Variants in TENM2 observed in about 807,000 individuals in gnomAD.
TENM2 encodes the protein teneurin-2.
Under a neutral mutation model 245.2 loss-of-function variants are expected in TENM2, and 52 were observed. That is an observed-to-expected ratio of 0.21 (90% CI 0.17 to 0.27). The LOEUF is 0.27. TENM2 is among the 10% of genes least tolerant of loss of function. TENM2 has a pLI of 1.00. For missense variants in TENM2, 3,046 were observed against 3,666.8 expected (o/e 0.83, Z 4.37); for synonymous variants, 1,363 against 1,438.9 (o/e 0.95, Z 1.19).
At chr5:167,703,116 C>A (rs1001686745) in intron 2 of TENM2, among the ~76,000 whole-genome samples, 13 of 152,180 alleles carry the variant, frequency 8.5e-5, no homozygotes, top group Admixed American at 6.5e-5. Flanking sequence ...ACCTTTTAGT[C>A]TTTCTTCTCA....
rs78710015 is a variant in TENM2, at chr5:167,807,185, A to G, written c.503-68801A>G. 7.0e-3 allele frequency among the ~76,000 whole-genome samples: 968 copies of G among 138,732 alleles called. 5 individuals are homozygous for G. The highest frequency in any genetic ancestry group is 0.011 in the Middle Eastern group (3 of 276). The allele number at this position is 138,732 out of a possible 152,430, so 91.0% of individuals were successfully genotyped here. A position where few individuals can be genotyped will look rare whatever the true frequency, so the allele number is the denominator to read the frequency against. ...GAAGAAGAAGTTTTTGTCAGTCGGG[A>G]TATTCCAAGGGTTTTGCTGTCACCT... On this transcript the variant is annotated intron_variant, in intron 2 of 28. Transcript: ENST00000518659.
chr5:167,087,529 G>C, the TENM2 span, among the ~76,000 whole-genome samples: 3 of 152,168 alleles, frequency 2.0e-5, no homozygotes, highest in African/African-American at 4.8e-5. Context: ...GGGGCTAAGA[G>C]AGCAGGAACT....
chr5:167,521,906 A>G (rs1770779407), intron 2 of TENM2, among the ~76,000 whole-genome samples: 1 of 152,128 alleles, frequency 6.6e-6, no homozygotes, highest in Non-Finnish European at 1.5e-5. Flanking sequence ...TTCTCTTACC[A>G]AGAAGAACAC....
At chr5:167,964,858 T>C (rs1440940308) in intron 4 of TENM2, among the ~76,000 whole-genome samples, 2 of 152,198 alleles carry the variant, frequency 1.3e-5, no homozygotes, top group African/African-American at 4.8e-5. Context: ...TTAAAGCTTT[T>C]GGACTCTACC....
chr5:167,752,468 A>T (rs1291858114), intron 2 of TENM2, among the ~76,000 whole-genome samples: 1 of 151,934 alleles, frequency 6.6e-6, no homozygotes, highest in East Asian at 1.9e-4. Context: ...ACCATCTACC[A>T]GTGACCACAC....
intron 2 of TENM2, among the ~76,000 whole-genome samples, chr5:167,481,363 TAGCTGA>T (rs1334104576): frequency 6.6e-5 from 10 of 152,356 alleles, no homozygotes; most frequent in African/African-American, 2.2e-4. Flanking sequence ...TATTTTTAAA[TAGCTGA>T]AAAATCAAAA....
intron 2 of TENM2, among the ~76,000 whole-genome samples, chr5:167,546,350 A>G (rs1219466485): frequency 1.3e-5 from 2 of 152,158 alleles, no homozygotes; most frequent in Non-Finnish European, 2.9e-5. Context: ...TGAATGAGTC[A>G]TTGTCTACTG....
chr5:167,830,813 A>T (rs1245006379), intron 2 of TENM2, among the ~76,000 whole-genome samples: 1 of 152,050 alleles, frequency 6.6e-6, no homozygotes, highest in Non-Finnish European at 1.5e-5. Flanking sequence ...TCAGTTTCTC[A>T]CTCACTGTAT....
chr5:167,478,706 A>G (rs985398037), intron 2 of TENM2, among the ~76,000 whole-genome samples: 2 of 152,180 alleles, frequency 1.3e-5, no homozygotes, highest in Non-Finnish European at 2.9e-5. Flanking sequence ...GTCTCACTAC[A>G]AAAAAGCACA....
At chr5:168,232,581 C>T (rs902822024) in intron 25 of TENM2, among the ~76,000 whole-genome samples, 2 of 152,198 alleles carry the variant, frequency 1.3e-5, no homozygotes, top group African/African-American at 2.4e-5. Context: ...ATAGCCTGAA[C>T]GTCCCCGGGA....
intron 2 of TENM2, among the ~76,000 whole-genome samples, chr5:167,714,326 C>T (rs1386060406): frequency 6.6e-6 from 1 of 152,180 alleles, no homozygotes; most frequent in South Asian, 2.1e-4. Flanking sequence ...GGCAAGAAGT[C>T]GCATGGATTG....
At chr5:167,388,723 AT>A (rs1202756896) in intron 2 of TENM2, among the ~76,000 whole-genome samples, 1 of 151,970 alleles carries the variant, frequency 6.6e-6, no homozygotes, top group Non-Finnish European at 1.5e-5. Context: ...AGTTCGAATA[AT>A]TTTTTACTTT....
chr5:167,451,866 G>A (rs1321893024), intron 2 of TENM2, among the ~76,000 whole-genome samples: 1 of 151,986 alleles, frequency 6.6e-6, no homozygotes, highest in African/African-American at 2.4e-5. Context: ...AGCCAGAATG[G>A]TCTCAATCTC....
intron 2 of TENM2, among the ~76,000 whole-genome samples, chr5:167,805,441 G>A (rs1257261472): frequency 6.6e-6 from 1 of 152,062 alleles, no homozygotes; most frequent in African/African-American, 2.4e-5. Context: ...GGGATTTGTT[G>A]CTCTTTAAAA....
At chr5:167,784,855 A>G (rs900327037) in intron 2 of TENM2, among the ~76,000 whole-genome samples, 7 of 152,238 alleles carry the variant, frequency 4.6e-5, no homozygotes, top group Non-Finnish European at 8.8e-5. Flanking sequence ...TTGGGTTTCA[A>G]TTTAAGGTAG....
chr5:168,100,519 T>C (rs1227095413), intron 9 of TENM2, among the ~76,000 whole-genome samples: 6 of 152,150 alleles, frequency 3.9e-5, no homozygotes, highest in Admixed American at 3.9e-4. Context: ...ATAAAGTAAA[T>C]GTGGCACATA....
chr5:166,995,207 A>G, the TENM2 span, among the ~76,000 whole-genome samples: 1,697 of 152,110 alleles, frequency 0.011, 21 homozygotes, highest in Non-Finnish European at 0.018. Context: ...ATGTGATTAT[A>G]TATTTTTTAA....
At chr5:168,114,252 G>A (rs1277802317) in intron 9 of TENM2, among the ~76,000 whole-genome samples, 1 of 152,172 alleles carries the variant, frequency 6.6e-6, no homozygotes, top group Admixed American at 6.5e-5. Context: ...GAGAGGTGCA[G>A]TAATCTTGCC....
chr5:168,102,742 AT>A (rs1009583887), intron 9 of TENM2, among the ~76,000 whole-genome samples: 37 of 152,370 alleles, frequency 2.4e-4, no homozygotes, highest in African/African-American at 8.7e-4. Flanking sequence ...CACTGAATTT[AT>A]TTCTGAAATG....
Sources: allele counts gnomAD v4.1 joint callset (sites outside exome capture counted in the v4.1 genomes callset), GRCh38; gene constraint gnomAD v4.1.1; transcripts MANE v1.5; gene names NCBI Gene and HGNC (gene_info 2026-07-23, HGNC 2026-07-21).